Variants in ADAMDEC1 observed in about 807,000 individuals in gnomAD.
ADAMDEC1 encodes the protein ADAM DEC1.
A neutral mutation model predicts 60.4 loss-of-function variants in ADAMDEC1; 62 were observed. The observed-to-expected ratio is 1.03, with a 90% CI of 0.84 to 1.27. The LOEUF is 1.27. Ranked by LOEUF, ADAMDEC1 falls within the 50% of genes most tolerant of loss-of-function variation. The probability of loss-of-function intolerance (pLI) is 0.00; values close to 1 mark genes in which losing one functional copy is unlikely to be tolerated. For synonymous variants in ADAMDEC1, 210 were observed against 195.1 expected, an observed-to-expected ratio of 1.08 and a Z score of -0.64; for missense variants, 595 against 565.0, an observed-to-expected ratio of 1.05 and a Z score of -0.54.
intron 7 of ADAMDEC1, 103 bp from the exon 8 acceptor site, chr8:24,398,377 T>C (rs544046221): frequency 1.5e-6 from 1 of 688,744 alleles, no homozygotes; most frequent in East Asian, 2.8e-5. Context: ...ATGTTAATTG[T>C]AGTGAAATTC....
rs1817867660 is a variant in ADAMDEC1 at position 24,405,502 on chromosome 8, C to A, written c.*204C>A. On this transcript the variant is annotated 3_prime_UTR_variant, in exon 14 of 14. Coordinates refer to ENST00000256412, the MANE Select transcript of ADAMDEC1 (RefSeq NM_014479.3). The stretch of plus-strand genomic sequence containing the variant: ...TGTTTAGGCCTAATCTTTCTTTTTA[C>A]TTTTTTTTTTCTTTTTTCTTTTTTT... 6.6e-6 allele frequency: 3 copies of A among 455,280 alleles called. No homozygotes were observed. In the East Asian group the frequency reaches 1.1e-4, roughly 17 times the overall value. The allele number at this position is 455,280 out of a possible 1,614,324, so 28.2% of individuals were successfully genotyped here.
chr8:24,396,632 T>G (rs1001274703), intron 5 of ADAMDEC1, among the ~76,000 whole-genome samples: 4 of 152,246 alleles, frequency 2.6e-5, no homozygotes, highest in Non-Finnish European at 4.4e-5. Context: ...AAATGTATCT[T>G]TCACAGCATT....
chr8:24,391,258 A>G (rs1244897116), intron 1 of ADAMDEC1, among the ~76,000 whole-genome samples: 1 of 152,216 alleles, frequency 6.6e-6, no homozygotes, highest in Non-Finnish European at 1.5e-5. Context: ...CTAAGCACAG[A>G]TACTTATGTA....
chr8:24,394,150 A>C lies in ADAMDEC1; in HGVS notation c.363+3A>C. 1.9e-6 allele frequency: 3 copies of C among 1,604,748 alleles called. No individual in the cohort carries two copies. The highest frequency in any genetic ancestry group is 2.6e-6 in the Non-Finnish European group (3 of 1,171,664). ...TTACCACGAAACCTGAGAACATGGT[A>C]GGGTCCGAATACTTTGTGGGTCTCT... On this transcript the variant is annotated splice_donor_region_variant and intron_variant, in intron 4 of 13. Transcript: ENST00000256412.
Position 24,397,281 on chromosome 8 carries a change from C to T in ADAMDEC1, c.452C>T (p.Thr151Ile). Residue 151 changes from threonine to isoleucine, a missense_variant, in exon 6 of 14, where the codon ACA (threonine) becomes ATA (isoleucine). Transcript: ENST00000256412. ...TCTATATCTCCCAGAGGATACTTCA[C>T]ACATCATCACCAAAGATACCAGATA... The part of the protein sequence containing the change: ...STCDGLRGYF[T>I]HHHQRYQIKP... 1 of 1,612,626 alleles carries T rather than the reference C, an allele frequency of 6.2e-7. No homozygotes were observed. Among genetic ancestry groups the T allele is most frequent in the Non-Finnish European group, 8.5e-7 (1 of 1,179,548 alleles).
intron 1 of ADAMDEC1, among the ~76,000 whole-genome samples, chr8:24,385,356 G>T (rs1034013190): frequency 8.5e-5 from 13 of 152,214 alleles, no homozygotes; most frequent in African/African-American, 2.9e-4. Context: ...CACACATACG[G>T]CTGGCTCTAG....
In ADAMDEC1 at chr8:24,384,338, G is replaced by A; in HGVS notation, c.-167G>A. On this transcript the variant is annotated 5_prime_UTR_variant, in exon 1 of 14. It removes an upstream start codon present in the reference 5' UTR. Transcript: ENST00000256412. The stretch of plus-strand genomic sequence containing the variant: ...ACAGCCATAAATATCTCTCAAAGAT[G>A]AGGAACATTCTCATGATGTTGACAC... The A allele has an allele frequency of 1.7e-6, 1 of 589,354 alleles. No individual in the cohort carries two copies. The highest frequency in any genetic ancestry group is 3.3e-5 in the Admixed American group (1 of 30,638). 36.5% of individuals were successfully genotyped at this position (589,354 alleles called of 1,614,324 possible).
Position 24,404,067 on chromosome 8 carries a change from G to C in ADAMDEC1, c.1385G>C (p.Gly462Ala). The change falls in exon 13 of 14, where the codon GGA becomes GCA. Residue 462 changes from glycine to alanine, a missense_variant. Physicochemically the swap from Gly to Ala is moderately conservative, Grantham distance 60 (BLOSUM62 0). Transcript: ENST00000256412. ...CTGAAGCCTGGAACTGATTGCGGAG[G>C]AGATGCTCCAAACCATACCACGTAA... ...CKLKPGTDCG[G>A]DAPNHTTE The C allele has an allele frequency of 6.2e-7, 1 of 1,613,682 alleles. No individual in the cohort carries two copies. The highest frequency in any genetic ancestry group is 1.3e-5 in the African/African-American group (1 of 75,028).
chr8:24,387,697 T>C lies in ADAMDEC1; in HGVS notation c.88+3105T>C, dbSNP rs957556321. 2.0e-5 allele frequency: 3 copies of C among 152,372 alleles called. No homozygotes were observed. In the East Asian group the frequency reaches 5.8e-4, roughly 29 times the overall value. The allele number at this position is 152,372 out of a possible 1,614,324, so 9.4% of individuals were successfully genotyped here. A position where few individuals can be genotyped will look rare whatever the true frequency, so the allele number is the denominator to read the frequency against. On this transcript the variant is annotated intron_variant, in intron 1 of 13. Coordinates refer to ENST00000256412, the MANE Select transcript of ADAMDEC1 (RefSeq NM_014479.3). ...TAACTGTTGTCCCATGACAAAACCC[T>C]AGCTTGAAAATCCCCTCAAACTTGG...
At chr8:24,395,000 G>T (rs968981292) in intron 4 of ADAMDEC1, among the ~76,000 whole-genome samples, 6 of 152,216 alleles carry the variant, frequency 3.9e-5, no homozygotes, top group Non-Finnish European at 8.8e-5. Context: ...CCTGAGGCAG[G>T]TCAATTTATT....
intron 9 of ADAMDEC1, 143 bp downstream of exon 9, chr8:24,399,183 A>G: frequency 1.9e-6 from 2 of 1,050,330 alleles, no homozygotes; most frequent in Non-Finnish European, 2.7e-6. Context: ...CACCTGTGAC[A>G]TTATTGGATC....
chr8:24,396,363 AT>A lies in ADAMDEC1; in HGVS notation c.440+568del, dbSNP rs562634884. On this transcript the variant is annotated intron_variant, in intron 5 of 13. Transcript: ENST00000256412. ...ATCTCTACTAAAAATACAAAAAAAA[AT>A]AGCCGAGTGTGGTGGCTGGCGCCTG... Among the ~76,000 whole-genome samples the A allele has an allele frequency of 5.4e-3, 826 of 152,088 alleles. 5 individuals carry two copies. The highest frequency in any genetic ancestry group is 0.019 in the African/African-American group (792 of 41,530).
chr8:24,401,676 C>A (rs980674117), intron 11 of ADAMDEC1, among the ~76,000 whole-genome samples: 2 of 152,056 alleles, frequency 1.3e-5, no homozygotes, highest in African/African-American at 4.8e-5. Flanking sequence ...GAAATCCTTC[C>A]AGCTCTGTGA....
chr8:24,397,715 T>A lies in ADAMDEC1; in HGVS notation c.660T>A (p.Ile220=), dbSNP rs1253866501. 7 of 1,613,674 alleles carry A rather than the reference T, an allele frequency of 4.3e-6. No homozygotes were observed. In the East Asian group the frequency reaches 1.6e-4, roughly 36 times the overall value. ...KEDFLRAQKY[I]DLYLVLDNAF... is the part of the protein sequence containing the mutation. Reference sequence around the variant, plus strand: ...ACTTTCTTCGGGCACAGAAATACATTGATCTCTATTTGGTGCTGGATAATG... The same window carrying A: ...ACTTTCTTCGGGCACAGAAATACATAGATCTCTATTTGGTGCTGGATAATG... Residue 220 remains isoleucine, a synonymous_variant, in exon 7 of 14, where the codon ATT becomes ATA. Transcript: ENST00000256412.
rs555447077 is a variant in ADAMDEC1 at position 24,387,114 on chromosome 8, C to T, written c.88+2522C>T. 3 of 152,290 alleles carry T rather than the reference C, an allele frequency of 2.0e-5. No individual in the cohort carries two copies. In the East Asian group the frequency reaches 5.8e-4, roughly 29 times the overall value. The allele number at this position is 152,290 out of a possible 1,614,324, so 9.4% of individuals were successfully genotyped here. ...GCTAGTGGCTCTGTTTTCTCTAATG[C>T]TTTTTCTTATTTCTTTAGAAGTGTT... On this transcript the variant is annotated intron_variant, in intron 1 of 13. Coordinates refer to ENST00000256412, the MANE Select transcript of ADAMDEC1 (RefSeq NM_014479.3).
At position 24,399,031 on chromosome 8, in the gene ADAMDEC1, A is replaced by G; in HGVS notation, c.920A>G (p.Gln307Arg). ...GGGAAAAAGATCCACGACCATGCTC[A>G]GCTTCTCAGGTGAGCACATGCTGGC... ...NLGKKIHDHA[Q>R]LLSGISFNNR... Residue 307 changes from glutamine (Q) to arginine (R), a missense_variant, in exon 9 of 14, where the codon CAG (glutamine) becomes CGG (arginine). Physicochemically the swap from Gln to Arg is conservative, Grantham distance 43 (BLOSUM62 1). Coordinates refer to ENST00000256412, the MANE Select transcript of ADAMDEC1 (RefSeq NM_014479.3). The G allele has an allele frequency of 6.2e-7, 1 of 1,612,784 alleles. No individual in the cohort carries two copies. The highest frequency in any genetic ancestry group is 8.5e-7 in the Non-Finnish European group (1 of 1,179,434).
In ADAMDEC1 at chr8:24,392,072, C is replaced by CA. The variant is rs565967905; in HGVS notation, c.89-178dup. 6.9e-3 allele frequency among the ~76,000 whole-genome samples: 950 copies of CA among 137,622 alleles called. 2 individuals are homozygous for CA. Among genetic ancestry groups the CA allele is most frequent in the Middle Eastern group, 0.022 (6 of 274 alleles). The allele number at this position is 137,622 out of a possible 152,430, so 90.3% of individuals were successfully genotyped here. Reference sequence around the variant, plus strand: ...CTTTTCAGAATAGTGGGAGGGAGAGCAAAAAAAAAAAATCCTTGTCATCAA... The same window carrying CA: ...CTTTTCAGAATAGTGGGAGGGAGAGCAAAAAAAAAAAAATCCTTGTCATCAA... On this transcript the variant is annotated intron_variant, in intron 1 of 13. Coordinates refer to ENST00000256412, the MANE Select transcript of ADAMDEC1 (RefSeq NM_014479.3).
intron 5 of ADAMDEC1, among the ~76,000 whole-genome samples, chr8:24,396,194 G>T (rs1817605496): frequency 1.3e-5 from 2 of 152,126 alleles, no homozygotes; most frequent in African/African-American, 4.8e-5. Flanking sequence ...GAGAAAGTTT[G>T]GAAAGTAAGA....
chr8:24,397,582 T>A (rs1433776164), intron 6 of ADAMDEC1, 101 bp from the exon 7 acceptor site: 1 of 1,453,700 alleles, frequency 6.9e-7, no homozygotes, highest in African/African-American at 1.4e-5. Flanking sequence ...TACTTATTTT[T>A]CTATTTATCT....
Sources: allele counts gnomAD v4.1 joint callset (sites outside exome capture counted in the v4.1 genomes callset), GRCh38; gene constraint gnomAD v4.1.1; transcripts MANE v1.5; gene names NCBI Gene and HGNC (gene_info 2026-07-23, HGNC 2026-07-21).